The following KIF1B variants were observed in gnomAD, a reference collection of about 807,000 sequenced individuals.
KIF1B encodes the protein kinesin-like protein KIF1B.
A neutral mutation model predicts 241.9 loss-of-function variants in KIF1B; 76 were observed. The ratio of observed to expected loss-of-function variants is 0.31; its 90% CI spans 0.26 to 0.38. KIF1B has a LOEUF of 0.38. Among genes scored for constraint, KIF1B ranks in the 10% least tolerant of loss-of-function variants. The pLI is 1.00. For missense variants in KIF1B, 1,622 were observed against 2,271.4 expected, an observed-to-expected ratio of 0.71 and a Z score of 5.81; for synonymous variants, 750 against 796.7, an observed-to-expected ratio of 0.94 and a Z score of 0.99.
intron 22 of KIF1B, chr1:10,305,630 G>T (rs1650791498): frequency 9.5e-7 from 1 of 1,056,442 alleles, no homozygotes; most frequent in Non-Finnish European, 1.1e-6. Flanking sequence ...TGGAATAAAG[G>T]AGATGATACA....
chr1:10,273,772 G>T (rs573858473), intron 10 of KIF1B, among the ~76,000 whole-genome samples: 2 of 144,638 alleles, frequency 1.4e-5, no homozygotes, highest in East Asian at 4.0e-4. Context: ...GCCACTAAGA[G>T]GCCAGCCATG....
chr1:10,346,084 T>C (rs1382285030), intron 35 of KIF1B, 131 bp downstream of exon 35: 5 of 755,240 alleles, frequency 6.6e-6, no homozygotes, highest in Non-Finnish European at 1.2e-5. Context: ...TTTGTTTTTG[T>C]TTTTGTTTTA....
chr1:10,282,318 C>G lies in KIF1B; in HGVS notation c.1223-4C>G, dbSNP rs1363962819. On this transcript the variant is annotated splice_polypyrimidine_tract_variant and splice_region_variant and intron_variant, in intron 14 of 48. Coordinates refer to ENST00000676179, the MANE Select transcript of KIF1B (RefSeq NM_001365951.3). ...TCCTGCCTTCTCTTCTTTCTATCTCCCAGATCTGAAAGATTTTCAGAACAA... is the reference window on the plus strand; with the variant it reads ...TCCTGCCTTCTCTTCTTTCTATCTCGCAGATCTGAAAGATTTTCAGAACAA... 6.2e-7 allele frequency: 1 copy of G among 1,611,070 alleles called. No homozygotes were observed. The highest frequency in any genetic ancestry group is 1.7e-5 in the Admixed American group (1 of 59,972).
intron 5 of KIF1B, among the ~76,000 whole-genome samples, chr1:10,264,410 A>T (rs934755470): frequency 3.3e-5 from 5 of 152,234 alleles, no homozygotes; most frequent in Admixed American, 1.3e-4. Context: ...TTCACATATC[A>T]GAGCATAAGG....
chr1:10,297,976 T>C (rs1287816948), intron 22 of KIF1B, among the ~76,000 whole-genome samples: 3 of 152,220 alleles, frequency 2.0e-5, no homozygotes, highest in African/African-American at 7.2e-5. Context: ...TAATGGTAAT[T>C]GATTTCCCAG....
intron 5 of KIF1B, among the ~76,000 whole-genome samples, chr1:10,265,245 TTTA>T (rs1195841620): frequency 7.6e-6 from 1 of 132,312 alleles, no homozygotes; most frequent in African/African-American, 3.0e-5. Flanking sequence ...TATTTATTTA[TTTA>T]TTTTTAGAGA....
At position 10,365,793 on chromosome 1, in the gene KIF1B, C is replaced by G; in HGVS notation, c.4752+145C>G. 2 of 1,201,518 alleles carry G rather than the reference C, an allele frequency of 1.7e-6. No homozygotes were observed. Among genetic ancestry groups the G allele is most frequent in the Non-Finnish European group, 2.4e-6 (2 of 837,292 alleles). 74.4% of individuals were successfully genotyped at this position (1,201,518 alleles called of 1,614,324 possible). ...AATGTAGAAATAAAAAGACGCAGTT[C>G]CTACCCTCAACAAGCTTACAGGGCC... On this transcript the variant is annotated intron_variant, in intron 43 of 48. Coordinates refer to ENST00000676179, the MANE Select transcript of KIF1B (RefSeq NM_001365951.3). The surrounding 1 kb of genome is among the most constrained non-coding windows in gnomAD (Gnocchi z 4.0).
chr1:10,362,617 C>A (rs1297616475), intron 40 of KIF1B, among the ~76,000 whole-genome samples: 1 of 151,908 alleles, frequency 6.6e-6, no homozygotes, highest in Non-Finnish European at 1.5e-5. Context: ...TACTCACAAT[C>A]CCCAGAAGTT....
intron 1 of KIF1B, among the ~76,000 whole-genome samples, chr1:10,220,814 C>T (rs1166644085): frequency 3.3e-5 from 5 of 151,984 alleles, no homozygotes; most frequent in Admixed American, 6.6e-5. Flanking sequence ...AGGTGCCTGC[C>T]GCCAAGCCCA....
Position 10,224,631 on chromosome 1 carries a change from C to T in KIF1B, c.-79-7619C>T, listed in dbSNP as rs1321515228. 1.3e-5 allele frequency among the ~76,000 whole-genome samples: 2 copies of T among 151,976 alleles called. 1 individual carries two copies. Among genetic ancestry groups the T allele is most frequent in the African/African-American group, 4.8e-5 (2 of 41,352 alleles). ...GGTAGAGAGTGTCTGAATATGTTGCCCAGGCTGGTCTTGAACTTCTGGCCT... is the reference window on the plus strand; with the variant it reads ...GGTAGAGAGTGTCTGAATATGTTGCTCAGGCTGGTCTTGAACTTCTGGCCT... On this transcript the variant is annotated intron_variant, in intron 1 of 48. Coordinates refer to ENST00000676179, the MANE Select transcript of KIF1B (RefSeq NM_001365951.3).
rs1423187484 is a variant in KIF1B, at chr1:10,337,175, A to G, written c.3231A>G (p.Pro1077=). The G allele has an allele frequency of 6.2e-7, 1 of 1,614,230 alleles. No individual in the cohort carries two copies. The highest frequency in any genetic ancestry group is 8.5e-7 in the Non-Finnish European group (1 of 1,180,044). Reference sequence around the variant, plus strand: ...AGAGTTCTGAGGTCATCACTCCTCCAGAAGAAATCAGTCGAATTAATGACT... The same window carrying G: ...AGAGTTCTGAGGTCATCACTCCTCCGGAAGAAATCAGTCGAATTAATGACT... The part of the protein sequence containing the change: ...QGQSSEVITP[P]EEISRINDLD... Residue 1077 remains proline, a synonymous_variant, in exon 30 of 49, where the codon CCA becomes CCG. Transcript: ENST00000676179. This position sits in a 1 kb window ranked among gnomAD's most constrained non-coding sequence, Gnocchi z 4.0.
rs531072845 is a variant in KIF1B, at chr1:10,220,337, C to G, written c.-80+9459C>G. Among the ~76,000 whole-genome samples the G allele has an allele frequency of 3.7e-4, 56 of 151,362 alleles. 1 individual carries two copies. Among genetic ancestry groups the G allele is most frequent in the Admixed American group, 1.4e-3 (21 of 15,136 alleles). On this transcript the variant is annotated intron_variant, in intron 1 of 48. Coordinates refer to ENST00000676179, the MANE Select transcript of KIF1B (RefSeq NM_001365951.3). ...AGTGAACTGTGATTGTTCCACTGTA[C>G]TCCAGCCTGGGCAACAGAGTGAGAC...
At chr1:10,262,256 CT>C in intron 5 of KIF1B, among the ~76,000 whole-genome samples, 1 of 152,238 alleles carries the variant, frequency 6.6e-6, no homozygotes, top group South Asian at 2.1e-4. Context: ...CCAAAGCGAT[CT>C]TACCCCCTCA....
chr1:10,368,516 A>G lies in KIF1B; in HGVS notation c.4802A>G (p.His1601Arg). Residue 1601 changes from histidine (H) to arginine (R), a missense_variant, in exon 44 of 49, where the codon CAC becomes CGC. By Grantham distance (29) the His-to-Arg change is conservative. Around this residue, in one of 7 missense-constraint regions of KIF1B, gnomAD observed 357 missense variants for 409.0 expected, o/e 0.87. Transcript: ENST00000676179. ...TTCAACAGAGAATTCAGCCAGGTGCACGGCAGCGTCAGTGACTGTAAGGTG... is the reference window on the plus strand; with the variant it reads ...TTCAACAGAGAATTCAGCCAGGTGCGCGGCAGCGTCAGTGACTGTAAGGTG... Reference protein sequence around the residue: ...HTFNREFSQVHGSVSDCKLSD... With the variant: ...HTFNREFSQVRGSVSDCKLSD... 6.2e-7 allele frequency: 1 copy of G among 1,614,036 alleles called. No individual in the cohort carries two copies. The highest frequency in any genetic ancestry group is 1.3e-5 in the African/African-American group (1 of 75,050).
chr1:10,215,172 A>ATATATATATTT (rs1377684765), intron 1 of KIF1B, among the ~76,000 whole-genome samples: 1 of 45,358 alleles, frequency 2.2e-5, no homozygotes, highest in Non-Finnish European at 3.7e-5. Flanking sequence ...ATATATATAT[A>ATATATATATTT]TTTTTTTTTT....
Position 10,374,260 on chromosome 1 carries a change from T to TTGATTGTAAC in KIF1B, c.4947-50_4947-41dup. The TTGATTGTAAC allele has an allele frequency of 6.4e-7, 1 of 1,574,296 alleles. No individual in the cohort carries two copies. Among genetic ancestry groups the TTGATTGTAAC allele is most frequent in the South Asian group, 1.1e-5 (1 of 90,236 alleles). ...CCAGTGAAACAGTACTCAGTATGCC[T>TTGATTGTAAC]TGATTGTAACTGATTCTCTTGTTAC... On this transcript the variant is annotated intron_variant, in intron 45 of 48. Coordinates refer to ENST00000676179, the MANE Select transcript of KIF1B (RefSeq NM_001365951.3). This position sits in a 1 kb window ranked among gnomAD's most constrained non-coding sequence, Gnocchi z 4.3.
chr1:10,337,502 C>T lies in KIF1B; in HGVS notation c.3391C>T (p.Pro1131Ser), dbSNP rs1232790642. The change falls in exon 31 of 49, where the codon CCA becomes TCA. Residue 1131 changes from proline (P) to serine (S), a missense_variant. By Grantham distance (74) the Pro-to-Ser change is moderately conservative. Transcript: ENST00000676179. This position sits in a 1 kb window ranked among gnomAD's most constrained non-coding sequence, Gnocchi z 4.0. ...VTVLQASGIL[P>S]EYADIFCQFN... ...AGTGTTGCAGGCCAGTGGAATCCTCCCAGAGTATGCAGATATCTTCTGTCA... is the reference window on the plus strand; with the variant it reads ...AGTGTTGCAGGCCAGTGGAATCCTCTCAGAGTATGCAGATATCTTCTGTCA... 1.6e-5 allele frequency: 26 copies of T among 1,614,180 alleles called. No individual in the cohort carries two copies. The highest frequency in any genetic ancestry group is 2.7e-5 in the African/African-American group (2 of 75,040).
intron 13 of KIF1B, 61 bp downstream of exon 13, chr1:10,278,189 C>A: frequency 6.6e-7 from 1 of 1,517,656 alleles, no homozygotes; most frequent in Non-Finnish European, 9.1e-7. Context: ...TCTTATTCAG[C>A]GTTCTTATAT....
chr1:10,336,063 C>G (rs1222658350), intron 28 of KIF1B, among the ~76,000 whole-genome samples: 1 of 152,174 alleles, frequency 6.6e-6, no homozygotes, highest in Non-Finnish European at 1.5e-5. Context: ...TTTTCAAATA[C>G]TTGTTGGGTA....
Sources: allele counts gnomAD v4.1 joint callset (sites outside exome capture counted in the v4.1 genomes callset), GRCh38; gene constraint gnomAD v4.1.1; regional missense constraint gnomAD v4.1.1; non-coding constraint Gnocchi (gnomAD v3.1); transcripts MANE v1.5; gene names NCBI Gene and HGNC (gene_info 2026-07-23, HGNC 2026-07-21).